RAB27A: variants seen among roughly 807,000 people sequenced by gnomAD.
RAB27A encodes RAB27A, member RAS oncogene family, also known as ras-related protein Rab-27A.
RAB27A carries 17 observed loss-of-function variants against 20.8 expected under a neutral mutation model. The observed-to-expected ratio is 0.82, with a 90% confidence interval of 0.56 to 1.23. RAB27A has a LOEUF of 1.23. Ranked by LOEUF, RAB27A falls within the 50% of genes most tolerant of loss-of-function variation. The probability of loss-of-function intolerance (pLI) is 0.00; values close to 1 mark genes in which losing one functional copy is unlikely to be tolerated. For missense variants in RAB27A, 277 were observed against 266.7 expected (o/e 1.04, Z -0.27); for synonymous variants, 85 against 92.8 (o/e 0.92, Z 0.48).
chr15:55,261,048 T>C (rs1897251014), intron 2 of RAB27A, among the ~76,000 whole-genome samples: 1 of 151,860 alleles, frequency 6.6e-6, no homozygotes, highest in African/African-American at 2.4e-5. Flanking sequence ...GAAGGGAATA[T>C]ATGGAAACTG....
intron 6 of RAB27A, among the ~76,000 whole-genome samples, chr15:55,207,688 G>C (rs2140898829): frequency 6.6e-6 from 1 of 152,164 alleles, no homozygotes; most frequent in African/African-American, 2.4e-5. Context: ...TTTTTGTTTT[G>C]TTTTGTTTTT....
At position 55,205,020 on chromosome 15, in the gene RAB27A, T is replaced by A. The variant is rs573956101; in HGVS notation, c.*487A>T. The A allele has an allele frequency of 5.0e-6, 1 of 201,532 alleles. No individual in the cohort carries two copies. The highest frequency in any genetic ancestry group is 1.0e-5 in the Non-Finnish European group (1 of 97,406). The allele number at this position is 201,532 out of a possible 1,614,324, so 12.5% of individuals were successfully genotyped here. On this transcript the variant is annotated 3_prime_UTR_variant, in exon 7 of 7. Transcript: ENST00000336787. Reference sequence around the variant, plus strand: ...AAGACATTGAGCTGATGTGCATGTATATTCTTATTTAACATTTAAGTGGCT... The same window carrying A: ...AAGACATTGAGCTGATGTGCATGTAAATTCTTATTTAACATTTAAGTGGCT...
rs79029860 is a variant in RAB27A, at chr15:55,218,224, G to T, written c.467+5665C>A. 7.5e-3 allele frequency among the ~76,000 whole-genome samples: 1,146 copies of T among 152,108 alleles called. 5 individuals carry two copies. Among genetic ancestry groups the T allele is most frequent in the Non-Finnish European group, 0.012 (825 of 68,014 alleles). ...AGTTTCACACTACTTTTCACAGTCT[G>T]TTGGATGCTAATTGAACAACATTTC... On this transcript the variant is annotated intron_variant, in intron 6 of 6. Transcript: ENST00000336787.
At chr15:55,303,089 G>A (rs79558583) in intron 2 of RAB27A, among the ~76,000 whole-genome samples, 3 of 132,578 alleles carry the variant, frequency 2.3e-5, no homozygotes, top group South Asian at 2.5e-4. Flanking sequence ...AGGTGGGGGG[G>A]TCAGCCCCCC....
intron 2 of RAB27A, among the ~76,000 whole-genome samples, chr15:55,248,073 C>T (rs1595713815): frequency 6.6e-6 from 1 of 151,776 alleles, no homozygotes. Flanking sequence ...AGCTGGGACT[C>T]CAGGCGCCCA....
chr15:55,205,771 T>A (rs897017842), intron 6 of RAB27A, 66 bp from the exon 7 acceptor site: 1 of 1,349,488 alleles, frequency 7.4e-7, no homozygotes, highest in African/African-American at 1.4e-5. Context: ...TTGCTCTTGA[T>A]AATTCAAATT....
chr15:55,211,939 G>A (rs978084591), intron 6 of RAB27A, among the ~76,000 whole-genome samples: 1 of 148,208 alleles, frequency 6.7e-6, no homozygotes, highest in African/African-American at 2.5e-5. Context: ...TTTATTAAAT[G>A]AGTTTCCTGG....
At chr15:55,302,335 C>G (rs1018705856) in intron 2 of RAB27A, among the ~76,000 whole-genome samples, 2 of 152,090 alleles carry the variant, frequency 1.3e-5, no homozygotes, top group South Asian at 2.1e-4. Context: ...CTCGGCCTCC[C>G]GAGGTGCCGG....
At chr15:55,252,292 G>A (rs939873015) in intron 2 of RAB27A, among the ~76,000 whole-genome samples, 5 of 152,040 alleles carry the variant, frequency 3.3e-5, no homozygotes, top group Admixed American at 6.6e-5. Context: ...CTAAAATCTC[G>A]GAATTTACCA....
At chr15:55,284,554 C>T (rs1898098813) in intron 1 of RAB27A, among the ~76,000 whole-genome samples, 1 of 152,148 alleles carries the variant, frequency 6.6e-6, no homozygotes, top group Admixed American at 6.5e-5. Flanking sequence ...AACAGTTATG[C>T]GGCTCTCAGA....
At chr15:55,261,149 A>G (rs1897254105) in intron 2 of RAB27A, among the ~76,000 whole-genome samples, 1 of 152,148 alleles carries the variant, frequency 6.6e-6, no homozygotes, top group Non-Finnish European at 1.5e-5. Context: ...CTGTAATCCC[A>G]GCACTTTGGG....
intron 5 of RAB27A, among the ~76,000 whole-genome samples, chr15:55,224,302 C>T (rs1895711248): frequency 6.6e-6 from 1 of 152,172 alleles, no homozygotes; most frequent in African/African-American, 2.4e-5. Context: ...CACATATGCA[C>T]ACACACACAT....
At position 55,301,148 on chromosome 15, in the gene RAB27A, A is replaced by G. The variant is rs1028653474; in HGVS notation, c.-112+12891T>C. ...GATGAATGCAGCTTTGGACCAAACT[A>G]ATCTAACAGGACCCACTTTGCAGGA... On this transcript the variant is annotated intron_variant, in intron 2 of 5. Transcript: ENST00000563262. Among the ~76,000 whole-genome samples the G allele has an allele frequency of 1.7e-4, 26 of 152,102 alleles. 1 individual carries two copies. The South Asian group carries it at 2.3e-3, about 13-fold the overall frequency.
chr15:55,261,609 C>T lies in RAB27A; in HGVS notation c.-23+8556G>A, dbSNP rs115130298. Among the ~76,000 whole-genome samples, 1,067 of 130,932 alleles carry T rather than the reference C, an allele frequency of 8.1e-3. 18 individuals are homozygous for T. The highest frequency in any genetic ancestry group is 0.029 in the African/African-American group (1,024 of 34,734). 85.9% of individuals were successfully genotyped at this position (130,932 alleles called of 152,430 possible). A position where few individuals can be genotyped will look rare whatever the true frequency, so the allele number is the denominator to read the frequency against. ...AAAAAAAGTTAGCTAGGCTTGGGGG[C>T]GTGTGCCCGTAGTCCCAGCTACTTG... On this transcript the variant is annotated intron_variant, in intron 2 of 6. Coordinates refer to ENST00000336787, the MANE Select transcript of RAB27A (RefSeq NM_183235.3).
At chr15:55,312,748 T>C (rs1408082623) in intron 2 of RAB27A, among the ~76,000 whole-genome samples, 2 of 152,246 alleles carry the variant, frequency 1.3e-5, no homozygotes, top group Non-Finnish European at 2.9e-5. Context: ...TTTAACTTGA[T>C]GTGTTAGGAT....
chr15:55,281,975 G>A (rs1470752865), intron 1 of RAB27A, among the ~76,000 whole-genome samples: 1 of 152,154 alleles, frequency 6.6e-6, no homozygotes, highest in Non-Finnish European at 1.5e-5. Flanking sequence ...TGAAGAATGG[G>A]CTATGGCAGG....
At chr15:55,318,487 G>A (rs1190089082) in intron 1 of RAB27A, among the ~76,000 whole-genome samples, 1 of 150,002 alleles carries the variant, frequency 6.7e-6, no homozygotes, top group Non-Finnish European at 1.5e-5. Context: ...GGCGGATCAC[G>A]AGGTCAGGAG....
intron 2 of RAB27A, among the ~76,000 whole-genome samples, chr15:55,303,799 C>A (rs2054985776): frequency 7.8e-6 from 1 of 128,286 alleles, no homozygotes; most frequent in Non-Finnish European, 1.6e-5. Context: ...GGGGGGTCAG[C>A]CCCCCGCCCG....
At chr15:55,283,928 A>T (rs182311397) in intron 1 of RAB27A, among the ~76,000 whole-genome samples, 2 of 152,314 alleles carry the variant, frequency 1.3e-5, no homozygotes, top group East Asian at 3.9e-4. Flanking sequence ...CCCTGATAGG[A>T]CTTGACCAGC....
Sources: allele counts gnomAD v4.1 joint callset (sites outside exome capture counted in the v4.1 genomes callset), GRCh38; gene constraint gnomAD v4.1.1; transcripts MANE v1.5; gene names NCBI Gene and HGNC (gene_info 2026-07-23, HGNC 2026-07-21).